GABRB2: variants seen among roughly 807,000 people sequenced by gnomAD.
GABRB2 encodes the protein gamma-aminobutyric acid receptor subunit beta-2.
Under a neutral mutation model 54.7 loss-of-function variants are expected in GABRB2, and 16 were observed. The ratio of observed to expected loss-of-function variants is 0.29; its 90% CI spans 0.20 to 0.44. GABRB2 has a LOEUF of 0.44. Among genes scored for constraint, GABRB2 ranks in the 20% least tolerant of loss-of-function variants. GABRB2 has a pLI of 1.00. For synonymous variants in GABRB2, 244 were observed against 233.8 expected (o/e 1.04, Z -0.40); for missense variants, 355 against 644.0 (o/e 0.55, Z 4.86).
chr5:161,531,343 T>C (rs1648788627), intron 3 of GABRB2, among the ~76,000 whole-genome samples: 1 of 152,150 alleles, frequency 6.6e-6, no homozygotes, highest in African/African-American at 2.4e-5. Context: ...AACCTGACAA[T>C]TTTTTAAAGA....
chr5:161,332,123 G>A (rs1391759237), intron 7 of GABRB2, among the ~76,000 whole-genome samples: 6 of 129,598 alleles, frequency 4.6e-5, no homozygotes, highest in South Asian at 2.3e-4. Context: ...CCGAGATTGC[G>A]CCACTGCACT....
intron 3 of GABRB2, among the ~76,000 whole-genome samples, chr5:161,527,923 T>A (rs2113447407): frequency 6.6e-6 from 1 of 151,758 alleles, no homozygotes; most frequent in Admixed American, 6.6e-5. Flanking sequence ...AAAATATACA[T>A]GTTCTGGGGT....
Position 161,336,622 on chromosome 5 carries a change from T to A in GABRB2, c.679+10A>T. ...ATTATTTTCCCTTAACACTTTTCCATGATACAAACCTGTGGAAAAAACAAC... is the reference window on the plus strand; with the variant it reads ...ATTATTTTCCCTTAACACTTTTCCAAGATACAAACCTGTGGAAAAAACAAC... On this transcript the variant is annotated intron_variant, in intron 6 of 9. Transcript: ENST00000393959. 1 of 1,611,126 alleles carries A rather than the reference T, an allele frequency of 6.2e-7. No individual in the cohort carries two copies. Among genetic ancestry groups the A allele is most frequent in the Non-Finnish European group, 8.5e-7 (1 of 1,178,414 alleles).
intron 4 of GABRB2, among the ~76,000 whole-genome samples, chr5:161,437,644 G>T (rs546937426): frequency 6.6e-6 from 1 of 152,088 alleles, no homozygotes; most frequent in East Asian, 2.0e-4. Flanking sequence ...TTCTGGACCT[G>T]CCCTGGGCCA....
At chr5:161,383,119 A>G (rs1191653263) in intron 5 of GABRB2, among the ~76,000 whole-genome samples, 3 of 152,248 alleles carry the variant, frequency 2.0e-5, no homozygotes, top group Non-Finnish European at 4.4e-5. Context: ...CAACATAATG[A>G]GTTGATATAG....
chr5:161,541,181 T>C (rs1461476912), intron 3 of GABRB2, among the ~76,000 whole-genome samples: 1 of 152,046 alleles, frequency 6.6e-6, no homozygotes, highest in African/African-American at 2.4e-5. Flanking sequence ...TTTTTTTTTT[T>C]TCTGAGCACT....
intron 5 of GABRB2, among the ~76,000 whole-genome samples, chr5:161,367,081 T>C (rs777194555): frequency 1.3e-5 from 2 of 152,180 alleles, no homozygotes; most frequent in Non-Finnish European, 2.9e-5. Flanking sequence ...ATTCCACTGA[T>C]AAGGAAAAAA....
chr5:161,398,927 A>C (rs893248484), intron 5 of GABRB2, among the ~76,000 whole-genome samples: 1 of 151,752 alleles, frequency 6.6e-6, no homozygotes, highest in Non-Finnish European at 1.5e-5. Context: ...TCACTGTTTT[A>C]TTTTTTGCCA....
At chr5:161,502,992 G>C (rs1759495603) in intron 3 of GABRB2, among the ~76,000 whole-genome samples, 1 of 152,160 alleles carries the variant, frequency 6.6e-6, no homozygotes. Flanking sequence ...TACAGTATTT[G>C]CAGACACTGG....
intron 3 of GABRB2, among the ~76,000 whole-genome samples, chr5:161,501,776 T>C (rs1417450538): frequency 6.6e-6 from 1 of 151,498 alleles, no homozygotes; most frequent in African/African-American, 2.4e-5. Flanking sequence ...AAAATATAAA[T>C]TAAATAACCT....
chr5:161,344,782 T>C (rs577204022), intron 5 of GABRB2, among the ~76,000 whole-genome samples: 3 of 152,202 alleles, frequency 2.0e-5, no homozygotes, highest in Non-Finnish European at 2.9e-5. Flanking sequence ...TAGCAAAGAC[T>C]TGGAACCAAT....
chr5:161,488,164 G>T lies in GABRB2; in HGVS notation c.238-28320C>A, dbSNP rs145914621. ...AAAATGATTTGGATGAAAAGTGGAG[G>T]ACCCTAGAGAGAATGGAATAGAAAA... On this transcript the variant is annotated intron_variant, in intron 3 of 9. Transcript: ENST00000393959. Among the ~76,000 whole-genome samples the T allele has an allele frequency of 1.5e-4, 23 of 151,684 alleles. No individual in the cohort carries two copies. In the East Asian group the frequency reaches 3.9e-3, roughly 26 times the overall value.
intron 3 of GABRB2, among the ~76,000 whole-genome samples, chr5:161,485,474 A>C (rs1758893049): frequency 6.6e-6 from 1 of 151,924 alleles, no homozygotes; most frequent in African/African-American, 2.4e-5. Flanking sequence ...CATTCTTTTT[A>C]AGGCATACAT....
chr5:161,302,736 C>T (rs1290910301), intron 9 of GABRB2, among the ~76,000 whole-genome samples: 1 of 152,182 alleles, frequency 6.6e-6, no homozygotes, highest in Admixed American at 6.5e-5. Context: ...TGTTAATCCC[C>T]TGGGAATATC....
At chr5:161,517,614 T>A (rs866158982) in intron 3 of GABRB2, among the ~76,000 whole-genome samples, 1 of 152,188 alleles carries the variant, frequency 6.6e-6, no homozygotes, top group Non-Finnish European at 1.5e-5. Context: ...GTAAATTAGC[T>A]GGGCACTGCC....
chr5:161,364,275 T>C (rs1754912248), intron 5 of GABRB2, among the ~76,000 whole-genome samples: 2 of 152,216 alleles, frequency 1.3e-5, no homozygotes, highest in African/African-American at 2.4e-5. Context: ...ATTTCATCTT[T>C]TATTCTTTGA....
intron 5 of GABRB2, among the ~76,000 whole-genome samples, chr5:161,349,768 A>G (rs1020800307): frequency 6.6e-6 from 1 of 152,040 alleles, no homozygotes; most frequent in Non-Finnish European, 1.5e-5. Context: ...CCTGCAGGAA[A>G]CTTAAGCTTG....
intron 4 of GABRB2, among the ~76,000 whole-genome samples, chr5:161,456,885 C>T (rs1328178491): frequency 2.0e-5 from 3 of 151,976 alleles, no homozygotes; most frequent in African/African-American, 7.3e-5. Context: ...GCAGGAGGGG[C>T]AAAGTATTGT....
chr5:161,449,664 A>T (rs566205022), intron 4 of GABRB2, among the ~76,000 whole-genome samples: 95 of 152,320 alleles, frequency 6.2e-4, no homozygotes, highest in African/African-American at 2.2e-3. Flanking sequence ...TAAATGTAAG[A>T]CAAATGAAAA....
Sources: gnomAD v4.1 joint callset for allele counts (sites outside exome capture counted in the v4.1 genomes callset) on GRCh38, gnomAD v4.1.1 for gene constraint, MANE v1.5 for transcripts, NCBI Gene and HGNC (gene_info 2026-07-23, HGNC 2026-07-21) for gene names.